Variants in PCDHGA9 observed in about 807,000 individuals in gnomAD.
The protein encoded by PCDHGA9 is protocadherin gamma subfamily A, 9.
Under a neutral mutation model 62.5 loss-of-function variants are expected in PCDHGA9, and 37 were observed. That is an observed-to-expected ratio of 0.59 (90% confidence interval 0.46 to 0.78). The LOEUF is 0.78. Ranked by LOEUF, PCDHGA9 falls within the 30% of genes least tolerant of loss-of-function variation. The pLI, the probability that PCDHGA9 is intolerant of heterozygous loss-of-function variation, is 0.00. For missense variants in PCDHGA9, 1,138 were observed against 1,166.2 expected (o/e 0.98, Z 0.35); for synonymous variants, 459 against 484.6 (o/e 0.95, Z 0.69).
In PCDHGA9 at chr5:141,409,379, A is replaced by G. The variant is rs376174246; in HGVS notation, c.2424+4003A>G. On this transcript the variant is annotated intron_variant, in intron 1 of 3. Transcript: ENST00000573521. ...TAATATAGAAACAGACATTCCATTC[A>G]AGATTTATTCTTCTTCCAATAACTA... is the stretch of plus-strand genomic sequence containing the variant. The G allele has an allele frequency of 1.5e-5, 25 of 1,613,926 alleles. No homozygotes were observed. The highest frequency in any genetic ancestry group is 2.0e-5 in the Non-Finnish European group (24 of 1,179,908).
At position 141,491,539 on chromosome 5, in the gene PCDHGA9, A is replaced by G; in HGVS notation, c.2425-3268A>G. ...GTACATGGAGGTGACGCTGCGGCCC[A>G]CAGACTCGCAGAGCCACTGCTACAG... On this transcript the variant is annotated intron_variant, in intron 1 of 3. Coordinates refer to ENST00000573521, the MANE Select transcript of PCDHGA9 (RefSeq NM_018921.3). This position sits in a 1 kb window ranked among gnomAD's most constrained non-coding sequence, Gnocchi z 6.9. The G allele has an allele frequency of 6.2e-7, 1 of 1,613,968 alleles. No homozygotes were observed. The highest frequency in any genetic ancestry group is 1.1e-5 in the South Asian group (1 of 91,074).
At chr5:141,483,329 A>C (rs1463046335) in intron 1 of PCDHGA9, among the ~76,000 whole-genome samples, 3 of 152,182 alleles carry the variant, frequency 2.0e-5, no homozygotes, top group Non-Finnish European at 2.9e-5. Flanking sequence ...GGAGGCAAAG[A>C]GATCTTATCT....
chr5:141,492,077 C>G (rs917149790), intron 1 of PCDHGA9: 1 of 483,342 alleles, frequency 2.1e-6, no homozygotes, highest in African/African-American at 2.0e-5. Context: ...GGCGCCGGCT[C>G]CGGCACGCTT....
chr5:141,477,171 TCA>T lies in PCDHGA9; in HGVS notation c.2425-17633_2425-17632del, dbSNP rs772104411. On this transcript the variant is annotated intron_variant, in intron 1 of 3. Transcript: ENST00000573521. This position sits in a 1 kb window ranked among gnomAD's most constrained non-coding sequence, Gnocchi z 4.9. ...GATGTGAATGACAACGCCCCGGAGA[TCA>T]CAGTCACCTCCGTGTACAGCCCAGT... 6.2e-7 allele frequency: 1 copy of T among 1,614,072 alleles called. No individual in the cohort carries two copies. Among genetic ancestry groups the T allele is most frequent in the Non-Finnish European group, 8.5e-7 (1 of 1,179,988 alleles).
intron 1 of PCDHGA9, chr5:141,413,082 A>C: frequency 3.7e-6 from 5 of 1,344,442 alleles, no homozygotes; most frequent in Non-Finnish European, 5.1e-6. Context: ...CCCAGGCTAC[A>C]GAGACACCCT....
At chr5:141,411,771 A>C (rs2095514402) in intron 1 of PCDHGA9, 1 of 151,946 alleles carries the variant, frequency 6.6e-6, no homozygotes, top group Non-Finnish European at 1.5e-5. Flanking sequence ...GGTCTCAGCT[A>C]CTCTGGTGGC....
Position 141,431,103 on chromosome 5 carries a change from A to C in PCDHGA9, c.2424+25727A>C, listed in dbSNP as rs769542343. On this transcript the variant is annotated intron_variant, in intron 1 of 3. Coordinates refer to ENST00000573521, the MANE Select transcript of PCDHGA9 (RefSeq NM_018921.3). This position sits in a 1 kb window ranked among gnomAD's most constrained non-coding sequence, Gnocchi z 4.8. ...GACATTCTGATGGAGGATAAAGTGA[A>C]AATATATGGAGTAGAAGTAGAAGTA... 6.2e-7 allele frequency: 1 copy of C among 1,614,246 alleles called. No individual in the cohort carries two copies.
chr5:141,423,009 G>T (rs371209178), intron 1 of PCDHGA9: 3 of 1,614,222 alleles, frequency 1.9e-6, no homozygotes, highest in Non-Finnish European at 2.5e-6. Context: ...AGGTGGTTGC[G>T]GTGGACAAAG....
intron 1 of PCDHGA9, among the ~76,000 whole-genome samples, chr5:141,456,824 G>C (rs2098890304): frequency 6.6e-6 from 1 of 152,052 alleles, no homozygotes; most frequent in African/African-American, 2.4e-5. Flanking sequence ...ATTAGCCATC[G>C]TGGTAGTGGG....
chr5:141,403,489 C>T lies in PCDHGA9; in HGVS notation c.537C>T (p.Ser179=), dbSNP rs187216481. The T allele has an allele frequency of 1.2e-6, 2 of 1,614,050 alleles. No homozygotes were observed. Among genetic ancestry groups the T allele is most frequent in the East Asian group, 2.2e-5 (1 of 44,882 alleles). ...AGCTCAGCCCCAATCACCACTTCTCCCTGAACGTGCAGACTGGAGACAATG... is the reference window on the plus strand; with the variant it reads ...AGCTCAGCCCCAATCACCACTTCTCTCTGAACGTGCAGACTGGAGACAATG... ...SYQLSPNHHF[S]LNVQTGDNGA... The change falls in exon 1 of 4, where the codon TCC becomes TCT. Residue 179 remains serine (S), a synonymous_variant. Transcript: ENST00000573521.
At chr5:141,498,980 GGAAGGAA>G in intron 2 of PCDHGA9, among the ~76,000 whole-genome samples, 1 of 44,970 alleles carries the variant, frequency 2.2e-5, no homozygotes, top group South Asian at 1.0e-3. Context: ...AGGGAAGGAA[GGAAGGAA>G]GGAAGGAAGG....
In PCDHGA9 at chr5:141,491,893, G is replaced by C. The variant is rs2099734820; in HGVS notation, c.2425-2914G>C. The C allele has an allele frequency of 6.9e-7, 1 of 1,438,856 alleles. No individual in the cohort carries two copies. The highest frequency in any genetic ancestry group is 9.2e-7 in the Non-Finnish European group (1 of 1,088,104). 89.1% of individuals were successfully genotyped at this position (1,438,856 alleles called of 1,614,324 possible). A position where few individuals can be genotyped will look rare whatever the true frequency, so the allele number is the denominator to read the frequency against. ...GGCCGATTAAGGGATGGGGCTCCGA[G>C]CACCGGGGGTGGTGGCGACTGTGGG... On this transcript the variant is annotated intron_variant, in intron 1 of 3. Coordinates refer to ENST00000573521, the MANE Select transcript of PCDHGA9 (RefSeq NM_018921.3). The surrounding 1 kb of genome is among the most constrained non-coding windows in gnomAD (Gnocchi z 6.9).
chr5:141,423,423 G>C (rs1561809630), intron 1 of PCDHGA9: 2 of 1,614,096 alleles, frequency 1.2e-6, no homozygotes, highest in Non-Finnish European at 8.5e-7. Flanking sequence ...CTGAAGGCGG[G>C]TTGGCAGGTA....
Position 141,506,556 on chromosome 5 carries a change from AC to A in PCDHGA9, c.2572+1080del, listed in dbSNP as rs560503002. Among the ~76,000 whole-genome samples the A allele has an allele frequency of 4.0e-4, 60 of 151,718 alleles. 1 individual carries two copies. In the East Asian group the frequency reaches 0.011, roughly 28 times the overall value. ...AATGAGTCCTTAGGTAAGTTATTAA[AC>A]CCCCTCGGTTTCACTTACTATTAAT... On this transcript the variant is annotated intron_variant, in intron 3 of 3. Coordinates refer to ENST00000573521, the MANE Select transcript of PCDHGA9 (RefSeq NM_018921.3).
intron 1 of PCDHGA9, chr5:141,433,096 C>G: frequency 3.1e-6 from 5 of 1,614,118 alleles, no homozygotes; most frequent in Non-Finnish European, 4.2e-6. Flanking sequence ...CAGACATGCT[C>G]GTCAGCCAGG....
At chr5:141,451,193 A>T (rs2098710240) in intron 1 of PCDHGA9, among the ~76,000 whole-genome samples, 1 of 152,208 alleles carries the variant, frequency 6.6e-6, no homozygotes, top group Non-Finnish European at 1.5e-5. Context: ...TGTGTAACAA[A>T]TTATCCCAAA....
At chr5:141,448,573 A>AT (rs976781630) in intron 1 of PCDHGA9, among the ~76,000 whole-genome samples, 10 of 151,772 alleles carry the variant, frequency 6.6e-5, no homozygotes, top group East Asian at 5.8e-4. Flanking sequence ...TTATTTCCCC[A>AT]TTTTTTTTAC....
chr5:141,444,281 C>T (rs1256106299), intron 1 of PCDHGA9, among the ~76,000 whole-genome samples: 1 of 146,976 alleles, frequency 6.8e-6, no homozygotes, highest in African/African-American at 2.5e-5. Context: ...AAGTGATTCT[C>T]CTGCCTCAGC....
At chr5:141,447,623 C>G (rs940221130) in intron 1 of PCDHGA9, among the ~76,000 whole-genome samples, 1 of 152,042 alleles carries the variant, frequency 6.6e-6, no homozygotes, top group African/African-American at 2.4e-5. Flanking sequence ...AAAGTTGAAA[C>G]CAACAGTATG....
Sources: allele counts gnomAD v4.1 joint callset (sites outside exome capture counted in the v4.1 genomes callset), GRCh38; gene constraint gnomAD v4.1.1; non-coding constraint Gnocchi (gnomAD v3.1); transcripts MANE v1.5; gene names NCBI Gene and HGNC (gene_info 2026-07-23, HGNC 2026-07-21).